The following PTPRD variants were observed in gnomAD, a reference collection of about 807,000 sequenced individuals.
The protein encoded by PTPRD is protein tyrosine phosphatase receptor type D, also known as receptor-type tyrosine-protein phosphatase delta.
In PTPRD, 34 loss-of-function variants were observed where a neutral mutation model predicts 214.5. That is an observed-to-expected ratio of 0.16 (90% CI 0.12 to 0.21). The LOEUF (loss-of-function observed/expected upper bound fraction) is 0.21. Among genes scored for constraint, PTPRD ranks in the 10% least tolerant of loss-of-function variants. The pLI, the probability that PTPRD is intolerant of heterozygous loss-of-function variation, is 1.00. For missense variants in PTPRD, 2,545 were observed against 2,398.7 expected, an observed-to-expected ratio of 1.06 and a Z score of -1.27; for synonymous variants, 1,128 against 845.7, an observed-to-expected ratio of 1.33 and a Z score of -5.79.
chr9:10,216,056 T>C (rs749590781), intron 3 of PTPRD, among the ~76,000 whole-genome samples: 1 of 152,000 alleles, frequency 6.6e-6, no homozygotes, highest in East Asian at 1.9e-4. Context: ...TTTTAAAATA[T>C]GGAATTAGCA....
rs772945453 is a variant in PTPRD, at chr9:8,527,367, T to C, written c.542-14A>G. 3.3e-5 allele frequency: 53 copies of C among 1,606,126 alleles called. No individual in the cohort carries two copies. Among genetic ancestry groups the C allele is most frequent in the Non-Finnish European group, 4.3e-5 (51 of 1,175,984 alleles). ...TACCAATAGATTCTGGAGATTTAAA[T>C]ACGGAGAGAAGAAAGACAGCATAAA... is the stretch of plus-strand genomic sequence containing the variant. On this transcript the variant is annotated splice_polypyrimidine_tract_variant and intron_variant, in intron 15 of 45. Transcript: ENST00000381196.
intron 7 of PTPRD, among the ~76,000 whole-genome samples, chr9:9,663,292 G>C (rs1423159944): frequency 6.6e-6 from 1 of 150,894 alleles, no homozygotes; most frequent in African/African-American, 2.4e-5. Flanking sequence ...ATATATAGAA[G>C]TAAAAAATAA....
At chr9:10,157,230 G>T (rs1245605441) in intron 3 of PTPRD, among the ~76,000 whole-genome samples, 1 of 152,106 alleles carries the variant, frequency 6.6e-6, no homozygotes, top group Non-Finnish European at 1.5e-5. Flanking sequence ...TATAGTCAGT[G>T]GTTTGTGTAC....
intron 11 of PTPRD, among the ~76,000 whole-genome samples, chr9:8,783,297 T>G (rs1352726689): frequency 6.6e-6 from 1 of 152,216 alleles, no homozygotes; most frequent in Non-Finnish European, 1.5e-5. Context: ...GTTGGAGTTA[T>G]TAATTTCCCA....
chr9:9,536,903 G>C (rs1389828413), intron 8 of PTPRD, among the ~76,000 whole-genome samples: 4 of 151,982 alleles, frequency 2.6e-5, no homozygotes, highest in Non-Finnish European at 5.9e-5. Flanking sequence ...GACAGTTATG[G>C]AAGTGAGTGG....
At chr9:8,808,642 A>G (rs1416885977) in intron 11 of PTPRD, among the ~76,000 whole-genome samples, 2 of 152,070 alleles carry the variant, frequency 1.3e-5, no homozygotes, top group Non-Finnish European at 2.9e-5. Context: ...ACTCAATACA[A>G]AATAACAATC....
At chr9:9,245,785 T>C (rs1380002109) in intron 9 of PTPRD, among the ~76,000 whole-genome samples, 1 of 152,084 alleles carries the variant, frequency 6.6e-6, no homozygotes, top group Non-Finnish European at 1.5e-5. Context: ...AAAATAAATA[T>C]ATACAATGTC....
At position 9,145,993 on chromosome 9, in the gene PTPRD, G is replaced by A. The variant is rs540348788; in HGVS notation, c.-143+37311C>T. ...GAACGGGAAACAAGTGCCTGATGGC[G>A]CTTTGACCTAACTACTTCTTTGTCC... On this transcript the variant is annotated intron_variant, in intron 10 of 45. Transcript: ENST00000381196. Among the ~76,000 whole-genome samples the A allele has an allele frequency of 5.3e-5, 8 of 152,254 alleles. No homozygotes were observed. In the South Asian group the frequency reaches 1.7e-3, roughly 32 times the overall value.
chr9:10,046,016 T>C (rs887089186), intron 3 of PTPRD, among the ~76,000 whole-genome samples: 5 of 151,822 alleles, frequency 3.3e-5, no homozygotes, highest in Non-Finnish European at 4.4e-5. Context: ...TTAATACTTA[T>C]TGTTAAACTA....
intron 3 of PTPRD, among the ~76,000 whole-genome samples, chr9:10,113,535 A>T (rs995302999): frequency 6.6e-6 from 1 of 152,212 alleles, no homozygotes; most frequent in Admixed American, 6.5e-5. Context: ...TTTCAAACTT[A>T]TCCAATGATA....
intron 8 of PTPRD, among the ~76,000 whole-genome samples, chr9:9,535,285 T>G (rs1028220405): frequency 6.6e-6 from 1 of 152,106 alleles, no homozygotes; most frequent in Non-Finnish European, 1.5e-5. Flanking sequence ...TAGGTAGAAG[T>G]TTAATATTTC....
chr9:8,612,083 C>T (rs2095473052), intron 14 of PTPRD, among the ~76,000 whole-genome samples: 1 of 151,188 alleles, frequency 6.6e-6, no homozygotes, highest in Non-Finnish European at 1.5e-5. Flanking sequence ...CTTTTTGTAC[C>T]TAAATATCAA....
At chr9:8,469,467 G>A (rs932777423) in intron 31 of PTPRD, among the ~76,000 whole-genome samples, 1 of 152,082 alleles carries the variant, frequency 6.6e-6, no homozygotes, top group East Asian at 1.9e-4. Flanking sequence ...TAAACAGGAT[G>A]ATGACACTTC....
intron 11 of PTPRD, among the ~76,000 whole-genome samples, chr9:8,737,979 T>C (rs985664719): frequency 6.6e-6 from 1 of 152,134 alleles, no homozygotes; most frequent in African/African-American, 2.4e-5. Flanking sequence ...GACATGCAGA[T>C]AGAACTCAAC....
At position 9,413,674 on chromosome 9, in the gene PTPRD, G is replaced by T. The variant is rs189640594; in HGVS notation, c.-236-16192C>A. Among the ~76,000 whole-genome samples, 268 of 152,220 alleles carry T rather than the reference G, an allele frequency of 1.8e-3. 2 individuals carry two copies. The highest frequency in any genetic ancestry group is 6.2e-3 in the African/African-American group (256 of 41,550). ...GAACATTGGTGGCAATCTTGGTTCTGTCCTTTTTAAACTTTATGAACTTGG... is the reference window on the plus strand; with the variant it reads ...GAACATTGGTGGCAATCTTGGTTCTTTCCTTTTTAAACTTTATGAACTTGG... On this transcript the variant is annotated intron_variant, in intron 8 of 45. Coordinates refer to ENST00000381196, the MANE Select transcript of PTPRD (RefSeq NM_002839.4).
chr9:8,713,841 G>T, intron 12 of PTPRD: 1 of 1,461,822 alleles, frequency 6.8e-7, no homozygotes, highest in Non-Finnish European at 9.3e-7. Context: ...CCTTCTTCTA[G>T]GTGCAGGGCC....
At chr9:9,933,287 T>C (rs1173718639) in intron 5 of PTPRD, among the ~76,000 whole-genome samples, 1 of 152,208 alleles carries the variant, frequency 6.6e-6, no homozygotes, top group Non-Finnish European at 1.5e-5. Flanking sequence ...ACTGGCAAAT[T>C]GGATAAAGAG....
At chr9:10,194,641 C>G (rs908956021) in intron 3 of PTPRD, among the ~76,000 whole-genome samples, 1 of 147,376 alleles carries the variant, frequency 6.8e-6, no homozygotes, top group Non-Finnish European at 1.5e-5. Context: ...AATTATTTCT[C>G]CTATGTAAAA....
At chr9:10,334,705 G>T (rs941866437) in intron 3 of PTPRD, among the ~76,000 whole-genome samples, 42 of 151,444 alleles carry the variant, frequency 2.8e-4, no homozygotes, top group African/African-American at 9.7e-4. Flanking sequence ...CTAATCAGCC[G>T]TTATAGCAAG....
Sources: gnomAD v4.1 joint callset for allele counts (sites outside exome capture counted in the v4.1 genomes callset) on GRCh38, gnomAD v4.1.1 for gene constraint, MANE v1.5 for transcripts, NCBI Gene and HGNC (gene_info 2026-07-23, HGNC 2026-07-21) for gene names.